ZNF701: variants seen among roughly 807,000 people sequenced by gnomAD.
The protein encoded by ZNF701 is zinc finger protein 701.
A neutral mutation model predicts 7.1 loss-of-function variants in ZNF701; 6 were observed. The observed-to-expected ratio is 0.84, with a 90% confidence interval of 0.46 to 1.66. The LOEUF (loss-of-function observed/expected upper bound fraction) is 1.66, where lower values mean the gene tolerates loss of function less well. Ranked by LOEUF, ZNF701 falls within the 40% of genes most tolerant of loss-of-function variation. ZNF701 has a pLI of 0.01. For missense variants in ZNF701, 541 were observed against 559.2 expected (o/e 0.97, Z 0.33); for synonymous variants, 166 against 188.2 (o/e 0.88, Z 0.97).
chr19:52,600,130 A>C, the ZNF701 span, among the ~76,000 whole-genome samples: 1 of 152,232 alleles, frequency 6.6e-6, no homozygotes, highest in African/African-American at 2.4e-5. Flanking sequence ...TTTATTAATA[A>C]AATGATTTTT....
Position 52,582,913 on chromosome 19 carries a change from T to C in ZNF701, c.854T>C (p.Leu285Pro). Residue 285 changes from leucine to proline, a missense_variant, in exon 4 of 4, where the codon CTG becomes CCG. Transcript: ENST00000391785. Reference sequence around the variant, plus strand: ...AAGACATTCAGTCACAATTCAGCCCTGTTAGTTCACAAGGCAATTCATACT... The same window carrying C: ...AAGACATTCAGTCACAATTCAGCCCCGTTAGTTCACAAGGCAATTCATACT... ...CGKTFSHNSA[L>P]LVHKAIHTGE... 1 of 1,614,144 alleles carries C rather than the reference T, an allele frequency of 6.2e-7. No individual in the cohort carries two copies. Among genetic ancestry groups the C allele is most frequent in the Admixed American group, 1.7e-5 (1 of 60,004 alleles).
At chr19:52,592,642 T>A in the ZNF701 span, among the ~76,000 whole-genome samples, 1 of 152,306 alleles carries the variant, frequency 6.6e-6, no homozygotes, top group South Asian at 2.1e-4. Context: ...CAGGTTGGAG[T>A]GCAGTGTCGT....
downstream of ZNF701, among the ~76,000 whole-genome samples, chr19:52,589,992 C>G (rs1053899202): frequency 1.3e-5 from 2 of 152,064 alleles, no homozygotes; most frequent in African/African-American, 2.4e-5. Context: ...CAGGGTTTCT[C>G]TATGTTGGTC....
intron 3 of ZNF701, among the ~76,000 whole-genome samples, chr19:52,576,997 A>ACT (rs139600747): frequency 5.0e-4 from 76 of 152,216 alleles, no homozygotes; most frequent in African/African-American, 1.4e-3. Context: ...GTGTGGGGAA[A>ACT]CTCTGCAAGT....
At chr19:52,573,695 T>C (rs2059914599) in intron 1 of ZNF701, among the ~76,000 whole-genome samples, 1 of 152,118 alleles carries the variant, frequency 6.6e-6, no homozygotes, top group Non-Finnish European at 1.5e-5. Flanking sequence ...TTTTGTATTT[T>C]TGGTAGAGAT....
At chr19:52,590,787 T>C (rs2060033860), downstream of ZNF701, among the ~76,000 whole-genome samples, 1 of 152,178 alleles carries the variant, frequency 6.6e-6, no homozygotes. Context: ...TTTAAGTGTG[T>C]GTGGGTGTGA....
chr19:52,593,516 G>C, the ZNF701 span, among the ~76,000 whole-genome samples: 1 of 115,390 alleles, frequency 8.7e-6, no homozygotes, highest in Admixed American at 8.9e-5. Flanking sequence ...GCCAGATGGG[G>C]TGGCTGGCCG....
chr19:52,571,278 CAG>C (rs986525654), intron 1 of ZNF701, among the ~76,000 whole-genome samples: 2 of 151,220 alleles, frequency 1.3e-5, no homozygotes, highest in East Asian at 2.0e-4. Context: ...CCAGGGCAGA[CAG>C]AGCAGAGTGG....
Position 52,584,356 on chromosome 19 carries a change from T to C in ZNF701, c.*899T>C. 5.9e-6 allele frequency: 1 copy of C among 168,468 alleles called. No individual in the cohort carries two copies. The allele number at this position is 168,468 out of a possible 1,614,324, so 10.4% of individuals were successfully genotyped here. A position where few individuals can be genotyped will look rare whatever the true frequency, so the allele number is the denominator to read the frequency against. ...AAGAGGATTGGGCCAGGCGTGTGGCTCACGCCTGTAAATCCAGCACTTTAG... is the reference window on the plus strand; with the variant it reads ...AAGAGGATTGGGCCAGGCGTGTGGCCCACGCCTGTAAATCCAGCACTTTAG... On this transcript the variant is annotated 3_prime_UTR_variant, in exon 4 of 4. Transcript: ENST00000391785.
downstream of ZNF701, chr19:52,588,504 A>T: frequency 3.6e-6 from 1 of 276,314 alleles, no homozygotes; most frequent in Non-Finnish European, 7.2e-6. Context: ...AAAAAGAAAA[A>T]TTAAATCTCA....
rs986524048 is a variant in ZNF701, at chr19:52,578,453, A to G, written c.142+2432A>G. On this transcript the variant is annotated intron_variant, in intron 3 of 3. Coordinates refer to ENST00000391785, the MANE Select transcript of ZNF701 (RefSeq NM_018260.3). ...TCTTGTATGCAATAAATATCAGCGC[A>G]CCCAGCTGTTTGGGGCCACTACCTG... Among the ~76,000 whole-genome samples, 17 of 152,068 alleles carry G rather than the reference A, an allele frequency of 1.1e-4. No individual in the cohort carries two copies. The East Asian group carries it at 1.2e-3, about 10-fold the overall frequency.
intron 1 of ZNF701, among the ~76,000 whole-genome samples, chr19:52,571,464 C>T (rs536479192): frequency 6.6e-6 from 1 of 152,124 alleles, no homozygotes; most frequent in African/African-American, 2.4e-5. Flanking sequence ...TGAGGACGAT[C>T]GAAGAATTGG....
intron 3 of ZNF701, among the ~76,000 whole-genome samples, chr19:52,578,271 A>AAAG (rs2059949881): frequency 6.6e-6 from 1 of 151,282 alleles, no homozygotes; most frequent in African/African-American, 2.4e-5. Flanking sequence ...AAAAAAAAAA[A>AAAG]AAAAAAAGAA....
At chr19:52,573,007 G>A (rs565400286) in intron 1 of ZNF701, 1 of 274,362 alleles carries the variant, frequency 3.6e-6, no homozygotes, top group East Asian at 1.1e-4. Flanking sequence ...ATTTCCCTCT[G>A]CCCATCAGTC....
At chr19:52,579,873 CAAAAT>C (rs1308750641) in intron 3 of ZNF701, among the ~76,000 whole-genome samples, 1 of 88,284 alleles carries the variant, frequency 1.1e-5, no homozygotes, top group African/African-American at 4.1e-5. Context: ...GACTCCATCT[CAAAAT>C]AAATAAATAA....
intron 1 of ZNF701, among the ~76,000 whole-genome samples, chr19:52,571,089 G>C (rs2059894912): frequency 7.3e-6 from 1 of 136,518 alleles, no homozygotes; most frequent in Non-Finnish European, 1.6e-5. Context: ...GATTTGCCAA[G>C]AGACAGCAAA....
chr19:52,580,415 T>C lies in ZNF701; in HGVS notation c.143-1787T>C, dbSNP rs559809662. ...AATGTTTTTGTATTTTTAGTAGATATGGGGTTGCACCATGTTGGCCAGGCT... is the reference window on the plus strand; with the variant it reads ...AATGTTTTTGTATTTTTAGTAGATACGGGGTTGCACCATGTTGGCCAGGCT... On this transcript the variant is annotated intron_variant, in intron 3 of 3. Coordinates refer to ENST00000391785, the MANE Select transcript of ZNF701 (RefSeq NM_018260.3). Among the ~76,000 whole-genome samples the C allele has an allele frequency of 8.5e-5, 13 of 152,194 alleles. No homozygotes were observed. The East Asian group carries it at 2.3e-3, about 27-fold the overall frequency.
rs1342207137 is a variant in ZNF701, at chr19:52,584,534, TTA to T, written c.*1082_*1083del. ...TGTGTTGAATCTGAATCACATTGGC[TTA>T]TATAATAACAATATTGATTTTTCCA... On this transcript the variant is annotated 3_prime_UTR_variant, in exon 4 of 4. Transcript: ENST00000391785. 6.6e-6 allele frequency: 1 copy of T among 152,348 alleles called. No individual in the cohort carries two copies. Among genetic ancestry groups the T allele is most frequent in the Non-Finnish European group, 1.5e-5 (1 of 68,154 alleles). 9.4% of individuals were successfully genotyped at this position (152,348 alleles called of 1,614,324 possible). A position where few individuals can be genotyped will look rare whatever the true frequency, so the allele number is the denominator to read the frequency against.
At chr19:52,587,482 T>C (rs983151710), downstream of ZNF701, among the ~76,000 whole-genome samples, 2 of 152,166 alleles carry the variant, frequency 1.3e-5, no homozygotes, top group Admixed American at 6.5e-5. Flanking sequence ...ACAAGCAGCC[T>C]TTCTTCCCTA....
Sources: allele counts gnomAD v4.1 joint callset (sites outside exome capture counted in the v4.1 genomes callset), GRCh38; gene constraint gnomAD v4.1.1; transcripts MANE v1.5; gene names NCBI Gene and HGNC (gene_info 2026-07-23, HGNC 2026-07-21).